GRID2: variants seen among roughly 807,000 people sequenced by gnomAD.
GRID2 encodes glutamate ionotropic receptor delta type subunit 2.
A neutral mutation model predicts 114.8 loss-of-function variants in GRID2; 33 were observed. The ratio of observed to expected loss-of-function variants is 0.29; its 90% CI spans 0.22 to 0.38. The LOEUF (loss-of-function observed/expected upper bound fraction) is 0.38, where lower values mean the gene tolerates loss of function less well. Among genes scored for constraint, GRID2 ranks in the 10% least tolerant of loss-of-function variants. The pLI is 1.00. For synonymous variants in GRID2, 505 were observed against 449.9 expected, an observed-to-expected ratio of 1.12 and a Z score of -1.55; for missense variants, 1,184 against 1,257.7, an observed-to-expected ratio of 0.94 and a Z score of 0.89.
intron 2 of GRID2, among the ~76,000 whole-genome samples, chr4:92,875,010 C>T (rs1413093017): frequency 6.6e-6 from 1 of 152,024 alleles, no homozygotes; most frequent in Non-Finnish European, 1.5e-5. Flanking sequence ...AAATCAGTAA[C>T]ATTTTGTTTT....
At chr4:92,933,727 A>G (rs1207727426) in intron 2 of GRID2, among the ~76,000 whole-genome samples, 2 of 151,632 alleles carry the variant, frequency 1.3e-5, no homozygotes, top group African/African-American at 4.8e-5. Context: ...AATTTGGTCC[A>G]CTGAATACTA....
chr4:92,339,342 G>T (rs1727353649), intron 1 of GRID2, among the ~76,000 whole-genome samples: 2 of 152,100 alleles, frequency 1.3e-5, no homozygotes, highest in African/African-American at 4.8e-5. Context: ...TGAGAGAGCA[G>T]CTACTGTACT....
intron 2 of GRID2, among the ~76,000 whole-genome samples, chr4:92,842,407 C>T (rs1189230922): frequency 6.6e-6 from 1 of 152,076 alleles, no homozygotes; most frequent in African/African-American, 2.4e-5. Context: ...TAATAAATAA[C>T]ATTTACTGGA....
intron 1 of GRID2, among the ~76,000 whole-genome samples, chr4:92,437,700 G>C (rs1732803844): frequency 6.6e-6 from 1 of 152,156 alleles, no homozygotes; most frequent in African/African-American, 2.4e-5. Flanking sequence ...TCAATATACA[G>C]AAGGTATTAC....
intron 4 of GRID2, among the ~76,000 whole-genome samples, chr4:93,201,038 A>G (rs1328006732): frequency 6.6e-6 from 1 of 152,222 alleles, no homozygotes; most frequent in Non-Finnish European, 1.5e-5. Context: ...AAAAAAGGAA[A>G]CAGGTTTATA....
intron 2 of GRID2, among the ~76,000 whole-genome samples, chr4:92,855,211 G>A (rs941859126): frequency 6.6e-6 from 1 of 151,960 alleles, no homozygotes; most frequent in Non-Finnish European, 1.5e-5. Context: ...AAAGATGACT[G>A]ACTTAATGAG....
intron 4 of GRID2, among the ~76,000 whole-genome samples, chr4:93,207,182 T>C (rs1742900349): frequency 6.6e-6 from 1 of 152,098 alleles, no homozygotes; most frequent in South Asian, 2.1e-4. Flanking sequence ...TTTGATGAAT[T>C]ATGTTTTCAA....
intron 2 of GRID2, among the ~76,000 whole-genome samples, chr4:92,719,912 G>A (rs1021674932): frequency 3.9e-5 from 6 of 152,064 alleles, no homozygotes; most frequent in Admixed American, 3.9e-4. Context: ...ATAGATAGGT[G>A]TTCTGCTTCT....
chr4:93,647,064 T>C (rs371971799), intron 14 of GRID2, among the ~76,000 whole-genome samples: 1 of 152,094 alleles, frequency 6.6e-6, no homozygotes. Flanking sequence ...ATTTGAAAGG[T>C]AGAAGGTACT....
At chr4:92,674,198 G>A (rs928833815) in intron 2 of GRID2, among the ~76,000 whole-genome samples, 9 of 152,142 alleles carry the variant, frequency 5.9e-5, no homozygotes, top group African/African-American at 1.7e-4. Flanking sequence ...CAAAAATTTA[G>A]CATTAACTCT....
intron 2 of GRID2, among the ~76,000 whole-genome samples, chr4:92,982,039 A>AG (rs1354745416): frequency 1.1e-4 from 12 of 112,872 alleles, no homozygotes; most frequent in African/African-American, 3.2e-4. Flanking sequence ...AAAAAAAAAA[A>AG]AAAAAAGAAA....
At chr4:93,506,933 G>T (rs1183970837) in intron 12 of GRID2, among the ~76,000 whole-genome samples, 1 of 152,164 alleles carries the variant, frequency 6.6e-6, no homozygotes, top group Non-Finnish European at 1.5e-5. Context: ...CTTCATTAGA[G>T]ATTGCTGTCT....
intron 13 of GRID2, among the ~76,000 whole-genome samples, chr4:93,515,928 T>C (rs1213065280): frequency 1.3e-5 from 2 of 152,198 alleles, no homozygotes; most frequent in African/African-American, 4.8e-5. Flanking sequence ...ATCTTACTTT[T>C]TCTATAACTA....
At chr4:92,675,217 CAA>C (rs1560525613) in intron 2 of GRID2, among the ~76,000 whole-genome samples, 1 of 152,104 alleles carries the variant, frequency 6.6e-6, no homozygotes, top group Non-Finnish European at 1.5e-5. Context: ...GGGTATTCAT[CAA>C]AGATTCCTGA....
intron 14 of GRID2, among the ~76,000 whole-genome samples, chr4:93,692,207 G>A (rs1726628534): frequency 6.6e-6 from 1 of 152,010 alleles, no homozygotes; most frequent in Non-Finnish European, 1.5e-5. Flanking sequence ...TAAAAATTGG[G>A]GGGGTTGCAA....
intron 1 of GRID2, among the ~76,000 whole-genome samples, chr4:92,446,300 T>C (rs908601879): frequency 6.6e-6 from 1 of 152,162 alleles, no homozygotes; most frequent in South Asian, 2.1e-4. Context: ...GGTACCCAAA[T>C]TGAGACCCTA....
At chr4:92,847,631 T>A in intron 2 of GRID2, among the ~76,000 whole-genome samples, 1 of 149,198 alleles carries the variant, frequency 6.7e-6, no homozygotes, top group African/African-American at 2.6e-5. Context: ...TATTCTTACA[T>A]ACACAGCTAT....
chr4:92,761,060 T>TA lies in GRID2; in HGVS notation c.244+170776dup, dbSNP rs550227194. 5.3e-5 allele frequency among the ~76,000 whole-genome samples: 8 copies of TA among 152,314 alleles called. No individual in the cohort carries two copies. In the East Asian group the frequency reaches 1.2e-3, roughly 22 times the overall value. ...CATGTGTTTGATTTACTGCCTATTT[T>TA]AACTACATTGTATCCTGGATCAATT... On this transcript the variant is annotated intron_variant, in intron 2 of 15. Transcript: ENST00000282020.
intron 9 of GRID2, among the ~76,000 whole-genome samples, chr4:93,416,785 TATCTA>T (rs1447106435): frequency 2.0e-5 from 3 of 152,096 alleles, no homozygotes; most frequent in African/African-American, 7.2e-5. Flanking sequence ...ATGAAGTTAT[TATCTA>T]ATAACCCAAC....
Sources: gnomAD v4.1 joint callset for allele counts (sites outside exome capture counted in the v4.1 genomes callset) on GRCh38, gnomAD v4.1.1 for gene constraint, MANE v1.5 for transcripts, NCBI Gene and HGNC (gene_info 2026-07-23, HGNC 2026-07-21) for gene names.